PHLPP1: variants seen among roughly 807,000 people sequenced by gnomAD.
The protein encoded by PHLPP1 is PH domain and leucine rich repeat protein phosphatase 1.
Under a neutral mutation model 117.2 loss-of-function variants are expected in PHLPP1, and 42 were observed. The observed-to-expected ratio is 0.36, with a 90% CI of 0.28 to 0.46. The LOEUF (loss-of-function observed/expected upper bound fraction) is 0.46. PHLPP1 is among the 20% of genes least tolerant of loss of function. PHLPP1 has a pLI of 1.00. For missense variants in PHLPP1, 2,084 were observed against 2,241.9 expected, an observed-to-expected ratio of 0.93 and a Z score of 1.42; for synonymous variants, 1,042 against 970.7, an observed-to-expected ratio of 1.07 and a Z score of -1.37.
intron 1 of PHLPP1, among the ~76,000 whole-genome samples, chr18:62,810,474 C>T (rs910512666): frequency 6.6e-6 from 1 of 152,078 alleles, no homozygotes; most frequent in African/African-American, 2.4e-5. Context: ...CCTCAATATA[C>T]TGTACTTAGG....
chr18:62,763,483 T>C (rs1043178979), intron 1 of PHLPP1, among the ~76,000 whole-genome samples: 5 of 152,218 alleles, frequency 3.3e-5, no homozygotes, highest in African/African-American at 9.6e-5. Context: ...CAGCAAGTCA[T>C]GCGAACACCT....
chr18:62,723,920 T>G (rs540657808), intron 1 of PHLPP1, among the ~76,000 whole-genome samples: 27 of 152,336 alleles, frequency 1.8e-4, no homozygotes, highest in South Asian at 4.1e-4. Context: ...CGTAACATTC[T>G]GAGGCTTCAT....
At chr18:62,894,150 G>A (rs1916494368) in intron 4 of PHLPP1, among the ~76,000 whole-genome samples, 1 of 152,216 alleles carries the variant, frequency 6.6e-6, no homozygotes, top group Non-Finnish European at 1.5e-5. Context: ...GAAGAAGGGT[G>A]TGTGGTCAGC....
chr18:62,777,589 G>A (rs1192423117), intron 1 of PHLPP1, among the ~76,000 whole-genome samples: 2 of 151,746 alleles, frequency 1.3e-5, no homozygotes, highest in East Asian at 1.9e-4. Flanking sequence ...AGCCTAATTT[G>A]TGAGGTGTTT....
At chr18:62,751,597 C>G (rs1376775486) in intron 1 of PHLPP1, among the ~76,000 whole-genome samples, 1 of 152,192 alleles carries the variant, frequency 6.6e-6, no homozygotes, top group Non-Finnish European at 1.5e-5. Context: ...TGTGTCGCTC[C>G]TGAATCCCTT....
intron 1 of PHLPP1, among the ~76,000 whole-genome samples, chr18:62,737,661 G>GT (rs1280665624): frequency 6.6e-6 from 1 of 152,260 alleles, no homozygotes; most frequent in African/African-American, 2.4e-5. Flanking sequence ...TTTGTACAAG[G>GT]TATTTGTCAT....
intron 1 of PHLPP1, among the ~76,000 whole-genome samples, chr18:62,813,485 C>T (rs1331034201): frequency 1.3e-5 from 2 of 152,158 alleles, no homozygotes; most frequent in Non-Finnish European, 2.9e-5. Flanking sequence ...GATCTCTCAT[C>T]CATTATGCCC....
intron 1 of PHLPP1, among the ~76,000 whole-genome samples, chr18:62,730,384 G>C (rs975503393): frequency 6.6e-6 from 1 of 152,130 alleles, no homozygotes; most frequent in Admixed American, 6.5e-5. Context: ...GTCTGTTGCT[G>C]CTCTTCCTTG....
At chr18:62,919,015 G>A (rs1309366723) in intron 9 of PHLPP1, among the ~76,000 whole-genome samples, 1 of 152,186 alleles carries the variant, frequency 6.6e-6, no homozygotes, top group Non-Finnish European at 1.5e-5. Context: ...ATTTGTGAGT[G>A]AGATCAGAAT....
At chr18:62,721,429 G>GGTGTGTGTGTGT (rs71340107) in intron 1 of PHLPP1, among the ~76,000 whole-genome samples, 1 of 144,312 alleles carries the variant, frequency 6.9e-6, no homozygotes, top group Non-Finnish European at 1.5e-5. Context: ...GAGGGGTGTG[G>GGTGTGTGTGTGT]GTGTGTGTGT....
intron 1 of PHLPP1, among the ~76,000 whole-genome samples, chr18:62,768,953 T>C (rs981058709): frequency 4.6e-5 from 7 of 152,210 alleles, no homozygotes; most frequent in African/African-American, 1.7e-4. Context: ...ATGGTGGGGA[T>C]GACAGTCTGT....
At chr18:62,818,495 T>G (rs997539576) in intron 1 of PHLPP1, among the ~76,000 whole-genome samples, 1 of 152,064 alleles carries the variant, frequency 6.6e-6, no homozygotes, top group African/African-American at 2.4e-5. Flanking sequence ...GTCACTGCAC[T>G]CCAGCCTGGG....
rs1910712646 is a variant in PHLPP1 at position 62,715,983 on chromosome 18, G to A, written c.300G>A (p.Gln100=). ...GCAGGAGGCGGCGCGGGGCGCCCCA[G>A]CCCATTGCCGGCGGGGCTGCCCCCG... The part of the protein sequence containing the change: ...AGRRRRRGAP[Q]PIAGGAAPVP... Residue 100 remains glutamine, a synonymous_variant, in exon 1 of 17, where the codon CAG becomes CAA. Transcript: ENST00000262719. 2.2e-6 allele frequency: 3 copies of A among 1,334,746 alleles called. No individual in the cohort carries two copies. The highest frequency in any genetic ancestry group is 3.7e-5 in the South Asian group (2 of 53,888). The allele number at this position is 1,334,746 out of a possible 1,614,324, so 82.7% of individuals were successfully genotyped here. A position where few individuals can be genotyped will look rare whatever the true frequency, so the allele number is the denominator to read the frequency against.
At chr18:62,718,173 A>G (rs188920908) in intron 1 of PHLPP1, among the ~76,000 whole-genome samples, 227 of 152,314 alleles carry the variant, frequency 1.5e-3, no homozygotes, top group Non-Finnish European at 2.6e-3. Context: ...TTTTCTAAGT[A>G]GTTTTACATC....
At chr18:62,929,046 T>G (rs1246674918) in intron 10 of PHLPP1, among the ~76,000 whole-genome samples, 1 of 152,214 alleles carries the variant, frequency 6.6e-6, no homozygotes, top group Non-Finnish European at 1.5e-5. Flanking sequence ...GAAACTGTTG[T>G]GGAATTATAT....
chr18:62,781,870 A>G (rs1913129615), intron 1 of PHLPP1, among the ~76,000 whole-genome samples: 1 of 152,186 alleles, frequency 6.6e-6, no homozygotes, highest in South Asian at 2.1e-4. Context: ...AGAAATTTTT[A>G]GCTGTGAGTC....
In PHLPP1 at chr18:62,752,496, A is replaced by G. The variant is rs868603256; in HGVS notation, c.1576+35237A>G. Among the ~76,000 whole-genome samples, 3 of 152,350 alleles carry G rather than the reference A, an allele frequency of 2.0e-5. No homozygotes were observed. In the South Asian group the frequency reaches 6.2e-4, roughly 32 times the overall value. On this transcript the variant is annotated intron_variant, in intron 1 of 16. Coordinates refer to ENST00000262719, the MANE Select transcript of PHLPP1 (RefSeq NM_194449.4). Reference sequence around the variant, plus strand: ...TTGTTGTTATATCTCCAGTCTTTTCAAATAGATATGCAGATAAAGAGGGGA... The same window carrying G: ...TTGTTGTTATATCTCCAGTCTTTTCGAATAGATATGCAGATAAAGAGGGGA...
intron 1 of PHLPP1, among the ~76,000 whole-genome samples, chr18:62,791,046 C>T (rs1024989457): frequency 1.2e-4 from 18 of 151,992 alleles, no homozygotes; most frequent in Non-Finnish European, 1.8e-4. Context: ...CAGACCTGGC[C>T]GGAGCTTGGA....
chr18:62,842,674 A>G (rs2144344467), intron 3 of PHLPP1, among the ~76,000 whole-genome samples: 1 of 152,310 alleles, frequency 6.6e-6, no homozygotes, highest in Admixed American at 6.5e-5. Context: ...TAGTAAATGC[A>G]GATTTTCAAT....
Sources: allele counts gnomAD v4.1 joint callset (sites outside exome capture counted in the v4.1 genomes callset), GRCh38; gene constraint gnomAD v4.1.1; transcripts MANE v1.5; gene names NCBI Gene and HGNC (gene_info 2026-07-23, HGNC 2026-07-21).